PDE12: variants seen among roughly 807,000 people sequenced by gnomAD.
PDE12 encodes 2',5'-phosphodiesterase 12.
Under a neutral mutation model 45.4 loss-of-function variants are expected in PDE12, and 26 were observed. That is an observed-to-expected ratio of 0.57 (90% confidence interval 0.42 to 0.79). PDE12 has a LOEUF of 0.79. Among genes scored for constraint, PDE12 ranks in the 30% least tolerant of loss-of-function variants. The pLI, the probability that PDE12 is intolerant of heterozygous loss-of-function variation, is 0.00. For synonymous variants in PDE12, 283 were observed against 323.9 expected (o/e 0.87, Z 1.36); for missense variants, 668 against 790.0 (o/e 0.85, Z 1.85).
Position 57,557,637 on chromosome 3 carries a change from T to G in PDE12, c.1258T>G (p.Leu420Val). The stretch of plus-strand genomic sequence containing the variant: ...CAAAGAACTGCTGGAGAAACTAGTT[T>G]TGTACCCATCAGCGCAGGAGAAGGT... ...LHKELLEKLVLYPSAQEKVLQ... is the reference protein window; with the variant it reads ...LHKELLEKLVVYPSAQEKVLQ... The change falls in exon 1 of 3, where the codon TTG becomes GTG. Residue 420 changes from leucine (L) to valine (V), a missense_variant. By Grantham distance (32) the Leu-to-Val change is conservative. Coordinates refer to ENST00000311180, the MANE Select transcript of PDE12 (RefSeq NM_177966.7). 1 of 1,614,092 alleles carries G rather than the reference T, an allele frequency of 6.2e-7. No homozygotes were observed. The highest frequency in any genetic ancestry group is 8.5e-7 in the Non-Finnish European group (1 of 1,180,014).
chr3:57,641,470 T>A, the PDE12 span, among the ~76,000 whole-genome samples: 11,063 of 150,070 alleles, frequency 0.074, 1,400 homozygotes, highest in African/African-American at 0.26. Flanking sequence ...TAGGAGGACA[T>A]GACAGATTAT....
chr3:57,579,232 C>T, the PDE12 span, among the ~76,000 whole-genome samples: 3 of 77,852 alleles, frequency 3.9e-5, no homozygotes, highest in African/African-American at 4.8e-5. Context: ...CCAGCCTGGG[C>T]GACAAGAGCA....
the PDE12 span, among the ~76,000 whole-genome samples, chr3:57,614,544 G>GTTTTTTTTTTTT: frequency 9.1e-5 from 11 of 121,310 alleles, no homozygotes; most frequent in Non-Finnish European, 1.3e-4. Context: ...TTTGTTTTTT[G>GTTTTTTTTTTTT]TTTTTTTTTT....
chr3:57,649,254 T>G, the PDE12 span, among the ~76,000 whole-genome samples: 2 of 152,108 alleles, frequency 1.3e-5, no homozygotes, highest in African/African-American at 4.8e-5. Context: ...CATTAAAAAA[T>G]GCTTAACATC....
chr3:57,563,495 T>TC lies in PDE12; in HGVS notation c.*3496dup, dbSNP rs2069749231. The stretch of plus-strand genomic sequence containing the variant: ...TAGGTATTTCTCCTAATGCTATCCC[T>TC]CCCCCAGCCCTGAAAATGAATTTTT... On this transcript the variant is annotated 3_prime_UTR_variant, in exon 3 of 3. Transcript: ENST00000311180. The TC allele has an allele frequency of 6.6e-6, 1 of 152,044 alleles. No homozygotes were observed. The highest frequency in any genetic ancestry group is 2.1e-4 in the South Asian group (1 of 4,822). The allele number at this position is 152,044 out of a possible 1,614,324, so 9.4% of individuals were successfully genotyped here. A position where few individuals can be genotyped will look rare whatever the true frequency, so the allele number is the denominator to read the frequency against.
chr3:57,592,590 G>A, the PDE12 span, among the ~76,000 whole-genome samples: 2 of 152,066 alleles, frequency 1.3e-5, no homozygotes, highest in South Asian at 2.1e-4. Flanking sequence ...TTCTACACAC[G>A]GATGAGAAAC....
At chr3:57,634,808 A>T in the PDE12 span, 1 of 1,455,658 alleles carries the variant, frequency 6.9e-7, no homozygotes, top group Non-Finnish European at 9.2e-7. Context: ...AATTATTCTA[A>T]TCATACATAT....
the PDE12 span, among the ~76,000 whole-genome samples, chr3:57,579,936 G>A: frequency 2.6e-5 from 4 of 151,660 alleles, no homozygotes; most frequent in African/African-American, 9.7e-5. Flanking sequence ...CTGTCTCTAC[G>A]AAAAAAATTA....
At chr3:57,646,242 G>A in the PDE12 span, 2 of 1,535,862 alleles carry the variant, frequency 1.3e-6, no homozygotes, top group East Asian at 2.3e-5. Flanking sequence ...GGGAAGTGCT[G>A]CAAATATCAC....
At chr3:57,593,463 T>C in the PDE12 span, among the ~76,000 whole-genome samples, 50 of 152,296 alleles carry the variant, frequency 3.3e-4, no homozygotes, top group African/African-American at 1.2e-3. Flanking sequence ...TATAGGATCC[T>C]TTCTCCTGAA....
In PDE12 at chr3:57,556,375, G is replaced by A. The variant is rs1240625265; in HGVS notation, c.-5G>A. The A allele has an allele frequency of 6.4e-7, 1 of 1,562,574 alleles. No homozygotes were observed. Among genetic ancestry groups the A allele is most frequent in the Non-Finnish European group, 8.7e-7 (1 of 1,154,406 alleles). On this transcript the variant is annotated 5_prime_UTR_variant, in exon 1 of 3. Transcript: ENST00000311180. This position sits in a 1 kb window ranked among gnomAD's most constrained non-coding sequence, Gnocchi z 5.0. ...GGTCTTGTCGACCGCTAGGCCACCA[G>A]GTTCATGTGGAGGCTCCCAGGCGCC...
the PDE12 span, among the ~76,000 whole-genome samples, chr3:57,637,500 G>A: frequency 3.9e-4 from 60 of 151,994 alleles, no homozygotes; most frequent in South Asian, 9.8e-3. Flanking sequence ...TAAAGAAGAT[G>A]TTTTTTTCTC....
chr3:57,631,138 G>A, the PDE12 span: 1 of 602,540 alleles, frequency 1.7e-6, no homozygotes, highest in Non-Finnish European at 2.9e-6. Flanking sequence ...AATTTAGACT[G>A]ACTTGGGAAG....
At position 57,565,031 on chromosome 3, in the gene PDE12, G is replaced by C. The variant is rs2069769884; in HGVS notation, c.*5027G>C. ...TAAGACAGGGTGTTGCTGTTGCCCA[G>C]GCTGGAGCGCAGTGGCATGATCATA... On this transcript the variant is annotated 3_prime_UTR_variant, in exon 3 of 3. Transcript: ENST00000311180. The C allele has an allele frequency of 6.6e-6, 1 of 151,240 alleles. No individual in the cohort carries two copies. Among genetic ancestry groups the C allele is most frequent in the Admixed American group, 6.6e-5 (1 of 15,178 alleles). The allele number at this position is 151,240 out of a possible 1,614,324, so 9.4% of individuals were successfully genotyped here. A position where few individuals can be genotyped will look rare whatever the true frequency, so the allele number is the denominator to read the frequency against.
At chr3:57,610,769 A>G in the PDE12 span, among the ~76,000 whole-genome samples, 7 of 152,194 alleles carry the variant, frequency 4.6e-5, no homozygotes, top group Non-Finnish European at 7.3e-5. Flanking sequence ...TTCCATGCTT[A>G]TGGATAGGAA....
the PDE12 span, among the ~76,000 whole-genome samples, chr3:57,606,808 A>G: frequency 1.3e-5 from 2 of 152,186 alleles, no homozygotes; most frequent in Non-Finnish European, 2.9e-5. Context: ...AAGATGGCCG[A>G]ATAGGAACAG....
At chr3:57,606,964 AC>A in the PDE12 span, among the ~76,000 whole-genome samples, 1 of 151,986 alleles carries the variant, frequency 6.6e-6, no homozygotes, top group African/African-American at 2.4e-5. Flanking sequence ...TGGGTCCCTG[AC>A]CCCCGAGTAG....
At chr3:57,618,712 G>A in the PDE12 span, among the ~76,000 whole-genome samples, 14 of 141,502 alleles carry the variant, frequency 9.9e-5, no homozygotes, top group Non-Finnish European at 1.8e-4. Context: ...GGGTTCAAGC[G>A]ATTCTCCTGC....
chr3:57,653,744 T>TA, the PDE12 span, among the ~76,000 whole-genome samples: 5,833 of 84,594 alleles, frequency 0.069, 749 homozygotes, highest in African/African-American at 0.25. Context: ...AGACTCCATC[T>TA]AAAAAAAAAA....
Sources: allele counts gnomAD v4.1 joint callset (sites outside exome capture counted in the v4.1 genomes callset), GRCh38; gene constraint gnomAD v4.1.1; non-coding constraint Gnocchi (gnomAD v3.1); transcripts MANE v1.5; gene names NCBI Gene and HGNC (gene_info 2026-07-23, HGNC 2026-07-21).